The following PPP2R2B variants were observed in gnomAD, a reference collection of about 807,000 sequenced individuals.
PPP2R2B encodes serine/threonine-protein phosphatase 2A 55 kDa regulatory subunit B beta isoform.
PPP2R2B carries 5 observed loss-of-function variants against 46.0 expected under a neutral mutation model. That is an observed-to-expected ratio of 0.11 (90% confidence interval 0.06 to 0.23). The LOEUF (loss-of-function observed/expected upper bound fraction) is 0.23, where lower values mean the gene tolerates loss of function less well. Ranked by LOEUF, PPP2R2B falls within the 10% of genes least tolerant of loss-of-function variation. The pLI, the probability that PPP2R2B is intolerant of heterozygous loss-of-function variation, is 1.00. For missense variants in PPP2R2B, 367 were observed against 575.0 expected, an observed-to-expected ratio of 0.64 and a Z score of 3.70; for synonymous variants, 215 against 206.7, an observed-to-expected ratio of 1.04 and a Z score of -0.34.
chr5:146,605,513 C>T (rs1045755048), intron 7 of PPP2R2B, among the ~76,000 whole-genome samples: 5 of 152,168 alleles, frequency 3.3e-5, no homozygotes, highest in Admixed American at 1.3e-4. Context: ...TGGGAAACCT[C>T]GACAATTTTG....
intron 2 of PPP2R2B, among the ~76,000 whole-genome samples, chr5:147,061,907 C>T (rs7709184): frequency 0.12 from 17,749 of 152,124 alleles, 1,233 homozygotes; most frequent in East Asian, 0.19. Context: ...CAAATAAAAT[C>T]TCTTAATTTA....
intron 1 of PPP2R2B, chr5:147,035,213 C>A (rs1260532409): frequency 1.1e-5 from 5 of 437,866 alleles, no homozygotes; most frequent in African/African-American, 4.1e-5. Context: ...ACAATCATGG[C>A]AGAAGGCGAA....
At chr5:146,828,924 T>C (rs1043126235) in intron 2 of PPP2R2B, among the ~76,000 whole-genome samples, 2 of 152,170 alleles carry the variant, frequency 1.3e-5, no homozygotes, top group Non-Finnish European at 2.9e-5. Context: ...AATAATACAA[T>C]TTGGCTATTA....
chr5:146,698,351 T>TATAC (rs1561841643), intron 3 of PPP2R2B, among the ~76,000 whole-genome samples: 2 of 103,008 alleles, frequency 1.9e-5, no homozygotes, highest in African/African-American at 4.0e-5. Flanking sequence ...TATATATATA[T>TATAC]ACACACACAT....
rs1005950991 is a variant in PPP2R2B, at chr5:146,842,759, G to A, written c.70+35243C>T. Among the ~76,000 whole-genome samples the A allele has an allele frequency of 1.3e-5, 2 of 152,080 alleles. 1 individual carries two copies. The highest frequency in any genetic ancestry group is 4.2e-4 in the South Asian group (2 of 4,816). On this transcript the variant is annotated intron_variant, in intron 2 of 9. Coordinates refer to ENST00000394411, the MANE Select transcript of PPP2R2B (RefSeq NM_181675.4). ...ATGCCATATTTGGTTTTCTGTTCCT[G>A]CATCAGTTTGCTAGGGATAACGGCC...
intron 1 of PPP2R2B, among the ~76,000 whole-genome samples, chr5:146,975,891 A>G (rs1408835333): frequency 6.6e-6 from 1 of 151,972 alleles, no homozygotes; most frequent in Non-Finnish European, 1.5e-5. Context: ...CTTATCAGAT[A>G]TATAATTTGC....
At chr5:147,012,531 TC>T (rs1485350596) in intron 1 of PPP2R2B, among the ~76,000 whole-genome samples, 1 of 152,178 alleles carries the variant, frequency 6.6e-6, no homozygotes, top group Non-Finnish European at 1.5e-5. Flanking sequence ...AAAAACCAGC[TC>T]CTGGATTCAT....
intron 6 of PPP2R2B, among the ~76,000 whole-genome samples, chr5:146,650,095 T>G (rs1264290043): frequency 6.6e-6 from 1 of 152,148 alleles, no homozygotes; most frequent in Non-Finnish European, 1.5e-5. Context: ...TACTATAAAG[T>G]TCCCATTGCA....
At chr5:146,995,727 T>C (rs1379461806) in intron 1 of PPP2R2B, among the ~76,000 whole-genome samples, 1 of 152,074 alleles carries the variant, frequency 6.6e-6, no homozygotes, top group Non-Finnish European at 1.5e-5. Flanking sequence ...ACATAAGAGA[T>C]AAAACATTCC....
rs1003734358 is a variant in PPP2R2B at position 146,764,504 on chromosome 5, A to C, written c.71-63362T>G. Among the ~76,000 whole-genome samples, 10 of 152,158 alleles carry C rather than the reference A, an allele frequency of 6.6e-5. No homozygotes were observed. The East Asian group carries it at 1.9e-3, about 29-fold the overall frequency. On this transcript the variant is annotated intron_variant, in intron 2 of 9. Transcript: ENST00000394411. ...ACAACCAAACATAACTTTTGGACCCAGAATCATTCCCCTAATGGATAAAAT... is the reference window on the plus strand; with the variant it reads ...ACAACCAAACATAACTTTTGGACCCCGAATCATTCCCCTAATGGATAAAAT...
intron 7 of PPP2R2B, among the ~76,000 whole-genome samples, chr5:146,626,730 G>C (rs1774091598): frequency 6.6e-6 from 1 of 152,182 alleles, no homozygotes; most frequent in Admixed American, 6.5e-5. Context: ...TTCCCATTCT[G>C]CATGTCTTGG....
intron 1 of PPP2R2B, among the ~76,000 whole-genome samples, chr5:146,922,136 G>A (rs186303085): frequency 3.1e-4 from 47 of 152,260 alleles, no homozygotes; most frequent in Middle Eastern, 3.4e-3. Flanking sequence ...CTAGTTGAGG[G>A]TTAAGTACAT....
At chr5:147,053,528 C>T (rs1015389136) in intron 1 of PPP2R2B, among the ~76,000 whole-genome samples, 3 of 124,382 alleles carry the variant, frequency 2.4e-5, no homozygotes, top group East Asian at 2.3e-4. Context: ...CAGGGTGACA[C>T]GATTGCCAAC....
At chr5:147,024,899 C>T (rs1755457182) in intron 1 of PPP2R2B, among the ~76,000 whole-genome samples, 1 of 151,622 alleles carries the variant, frequency 6.6e-6, no homozygotes, top group Non-Finnish European at 1.5e-5. Context: ...CTTCTACCAC[C>T]ATAAGAATAC....
intron 5 of PPP2R2B, among the ~76,000 whole-genome samples, chr5:146,676,921 G>A (rs1384577634): frequency 6.6e-6 from 1 of 152,140 alleles, no homozygotes; most frequent in African/African-American, 2.4e-5. Flanking sequence ...GGACTGGTGT[G>A]GCGGTCACCT....
intron 5 of PPP2R2B, among the ~76,000 whole-genome samples, chr5:146,685,680 A>G (rs902896108): frequency 1.1e-4 from 16 of 152,214 alleles, no homozygotes; most frequent in Non-Finnish European, 2.2e-4. Context: ...AATTGCCACC[A>G]ATGGGATTTG....
At chr5:146,863,672 C>T (rs1332137565) in intron 2 of PPP2R2B, among the ~76,000 whole-genome samples, 1 of 151,978 alleles carries the variant, frequency 6.6e-6, no homozygotes, top group African/African-American at 2.4e-5. Context: ...ATCCATCCAT[C>T]CATCCATCCA....
At chr5:146,928,054 A>C (rs1432360401) in intron 1 of PPP2R2B, among the ~76,000 whole-genome samples, 2 of 152,086 alleles carry the variant, frequency 1.3e-5, no homozygotes, top group African/African-American at 2.4e-5. Context: ...TCAAGTCCCC[A>C]AAGCTGAAAT....
chr5:146,676,206 C>T (rs551669023), intron 5 of PPP2R2B, among the ~76,000 whole-genome samples: 5 of 152,198 alleles, frequency 3.3e-5, no homozygotes, highest in Admixed American at 6.5e-5. Flanking sequence ...TGTTGGTGAA[C>T]ATCCTGTCTT....
Sources: allele counts gnomAD v4.1 joint callset (sites outside exome capture counted in the v4.1 genomes callset), GRCh38; gene constraint gnomAD v4.1.1; transcripts MANE v1.5; gene names NCBI Gene and HGNC (gene_info 2026-07-23, HGNC 2026-07-21).